Variants in CACNA2D3 observed in about 807,000 individuals in gnomAD.
The protein encoded by CACNA2D3 is voltage-dependent calcium channel subunit alpha-2/delta-3.
A neutral mutation model predicts 160.6 loss-of-function variants in CACNA2D3; 60 were observed. That is an observed-to-expected ratio of 0.37 (90% CI 0.30 to 0.46). CACNA2D3 has a LOEUF of 0.46. Among genes scored for constraint, CACNA2D3 ranks in the 20% least tolerant of loss-of-function variants. The pLI, the probability that CACNA2D3 is intolerant of heterozygous loss-of-function variation, is 1.00. For synonymous variants in CACNA2D3, 558 were observed against 492.9 expected (o/e 1.13, Z -1.75); for missense variants, 1,205 against 1,365.0 (o/e 0.88, Z 1.85).
At chr3:54,739,819 A>G (rs1030184381) in intron 11 of CACNA2D3, among the ~76,000 whole-genome samples, 3 of 151,366 alleles carry the variant, frequency 2.0e-5, no homozygotes, top group Non-Finnish European at 4.4e-5. Context: ...GTGTGTGTGT[A>G]TATATATAAC....
chr3:54,764,967 A>G (rs527495196), intron 13 of CACNA2D3, among the ~76,000 whole-genome samples: 5 of 152,352 alleles, frequency 3.3e-5, no homozygotes, highest in East Asian at 3.9e-4. Flanking sequence ...TAATGGCTCA[A>G]TGGCTGGGTT....
chr3:54,266,630 A>G (rs1185685165), intron 2 of CACNA2D3, among the ~76,000 whole-genome samples: 1 of 152,186 alleles, frequency 6.6e-6, no homozygotes, highest in Non-Finnish European at 1.5e-5. Flanking sequence ...GGGTGACTAG[A>G]TGAATGAATG....
chr3:54,748,220 C>T (rs1001880541), intron 11 of CACNA2D3, among the ~76,000 whole-genome samples: 1 of 152,174 alleles, frequency 6.6e-6, no homozygotes, highest in Non-Finnish European at 1.5e-5. Context: ...CTCCTGGTAG[C>T]CACTTCCTTC....
At chr3:54,936,536 G>C (rs1400349668) in intron 27 of CACNA2D3, among the ~76,000 whole-genome samples, 1 of 152,174 alleles carries the variant, frequency 6.6e-6, no homozygotes, top group East Asian at 1.9e-4. Context: ...CTTTGCTGCA[G>C]CCTCCATTCA....
At chr3:54,233,791 G>T (rs1304615328) in intron 2 of CACNA2D3, among the ~76,000 whole-genome samples, 1 of 152,084 alleles carries the variant, frequency 6.6e-6, no homozygotes, top group Non-Finnish European at 1.5e-5. Flanking sequence ...GAAACTATTT[G>T]GTCATCATAC....
intron 5 of CACNA2D3, among the ~76,000 whole-genome samples, chr3:54,523,529 T>C (rs980409331): frequency 1.3e-5 from 2 of 152,184 alleles, no homozygotes; most frequent in Admixed American, 1.3e-4. Flanking sequence ...TATCAGAGTA[T>C]GATTGGGCTC....
chr3:54,343,290 C>G (rs1395652964), intron 3 of CACNA2D3, among the ~76,000 whole-genome samples: 1 of 151,752 alleles, frequency 6.6e-6, no homozygotes, highest in Non-Finnish European at 1.5e-5. Flanking sequence ...TTGGAATTTT[C>G]TTTTTTAATT....
At chr3:54,322,162 A>C (rs1334531383) in intron 3 of CACNA2D3, among the ~76,000 whole-genome samples, 1 of 152,228 alleles carries the variant, frequency 6.6e-6, no homozygotes, top group Non-Finnish European at 1.5e-5. Context: ...TCCAGCCAGC[A>C]CCAGAACCTA....
rs776987971 is a variant in CACNA2D3, at chr3:54,758,003, TAG to T, written c.1246+5331_1246+5332del. 4.6e-5 allele frequency among the ~76,000 whole-genome samples: 7 copies of T among 152,242 alleles called. No homozygotes were observed. The East Asian group carries it at 1.4e-3, about 29-fold the overall frequency. The stretch of plus-strand genomic sequence containing the variant: ...TTGAGGTAATCTAGGAAAAGAAAAC[TAG>T]AGAGTGAGAAAGGATTTCAATGTGC... On this transcript the variant is annotated intron_variant, in intron 12 of 37. Coordinates refer to ENST00000474759, the MANE Select transcript of CACNA2D3 (RefSeq NM_018398.3).
At chr3:54,787,687 G>T (rs1224570997) in intron 13 of CACNA2D3, among the ~76,000 whole-genome samples, 2 of 152,192 alleles carry the variant, frequency 1.3e-5, no homozygotes, top group African/African-American at 4.8e-5. Context: ...GGCTTCTAGG[G>T]GTGGCACATT....
chr3:54,870,091 C>T (rs1315789633), intron 17 of CACNA2D3, among the ~76,000 whole-genome samples: 7 of 152,118 alleles, frequency 4.6e-5, no homozygotes, highest in Non-Finnish European at 8.8e-5. Context: ...CCAGAGAGGT[C>T]GCAGAGTTCC....
chr3:54,688,979 CAAAAAAAAAAAAAAA>C lies in CACNA2D3; in HGVS notation c.1167+46756_1167+46770del, dbSNP rs1162900126. Among the ~76,000 whole-genome samples the C allele has an allele frequency of 9.5e-5, 3 of 31,440 alleles. No individual in the cohort carries two copies. The East Asian group carries it at 8.4e-3, about 88-fold the overall frequency. 20.6% of individuals were successfully genotyped at this position (31,440 alleles called of 152,430 possible). ...CCTGGGAGACAGTGTGAGACTGTCTCAAAAAAAAAAAAAAAAAAAAAAAAAAAAAAAAGAATGAGG... is the reference window on the plus strand; with the variant it reads ...CCTGGGAGACAGTGTGAGACTGTCTCAAAAAAAAAAAAAAAAAGAATGAGG... On this transcript the variant is annotated intron_variant, in intron 11 of 37. Coordinates refer to ENST00000474759, the MANE Select transcript of CACNA2D3 (RefSeq NM_018398.3).
intron 35 of CACNA2D3, among the ~76,000 whole-genome samples, chr3:55,023,851 T>C (rs1703509410): frequency 6.6e-6 from 1 of 151,516 alleles, no homozygotes; most frequent in Admixed American, 6.6e-5. Context: ...ATGGGCAATA[T>C]TGGTTTTCCT....
At chr3:54,705,499 C>T (rs988217566) in intron 11 of CACNA2D3, among the ~76,000 whole-genome samples, 4 of 152,136 alleles carry the variant, frequency 2.6e-5, no homozygotes, top group African/African-American at 9.7e-5. Context: ...CTGATTTGCT[C>T]CTTTGTTTGT....
At chr3:54,127,458 G>A (rs971301013) in intron 2 of CACNA2D3, among the ~76,000 whole-genome samples, 2 of 152,118 alleles carry the variant, frequency 1.3e-5, no homozygotes, top group Non-Finnish European at 2.9e-5. Context: ...TGTGAAAATC[G>A]GTGGACTTTT....
At chr3:54,410,848 C>T (rs905215227) in intron 4 of CACNA2D3, among the ~76,000 whole-genome samples, 5 of 152,246 alleles carry the variant, frequency 3.3e-5, no homozygotes, top group African/African-American at 4.8e-5. Flanking sequence ...AATAGTGATC[C>T]GTCTGGTCTG....
At chr3:54,301,441 G>C (rs1559915007) in intron 2 of CACNA2D3, among the ~76,000 whole-genome samples, 1 of 151,986 alleles carries the variant, frequency 6.6e-6, no homozygotes, top group Non-Finnish European at 1.5e-5. Context: ...TCCAACCTGG[G>C]TGACAAAATG....
chr3:54,157,808 C>CA (rs1370218929), intron 2 of CACNA2D3, among the ~76,000 whole-genome samples: 2 of 79,988 alleles, frequency 2.5e-5, no homozygotes, highest in East Asian at 6.8e-4. Flanking sequence ...AACAAAAAAG[C>CA]AAAAAAAGCA....
At chr3:54,434,695 A>T (rs557975939) in intron 4 of CACNA2D3, among the ~76,000 whole-genome samples, 2 of 152,284 alleles carry the variant, frequency 1.3e-5, no homozygotes, top group South Asian at 4.1e-4. Flanking sequence ...GGTCAGGCCC[A>T]CCCAACCAGG....
Sources: gnomAD v4.1 joint callset for allele counts (sites outside exome capture counted in the v4.1 genomes callset) on GRCh38, gnomAD v4.1.1 for gene constraint, MANE v1.5 for transcripts, NCBI Gene and HGNC (gene_info 2026-07-23, HGNC 2026-07-21) for gene names.